The following PRORP variants were observed in gnomAD, a reference collection of about 807,000 sequenced individuals.
PRORP encodes the protein protein only RNase P catalytic subunit.
A neutral mutation model predicts 59.4 loss-of-function variants in PRORP; 51 were observed. That is an observed-to-expected ratio of 0.86 (90% CI 0.69 to 1.08). The LOEUF (loss-of-function observed/expected upper bound fraction) is 1.08, where lower values mean the gene tolerates loss of function less well. Ranked by LOEUF, PRORP falls within the 50% of genes least tolerant of loss-of-function variation. The probability of loss-of-function intolerance (pLI) is 0.00; values close to 1 mark genes in which losing one functional copy is unlikely to be tolerated. For synonymous variants in PRORP, 231 were observed against 245.6 expected (o/e 0.94, Z 0.55); for missense variants, 646 against 690.3 (o/e 0.94, Z 0.72).
chr14:35,265,305 T>A (rs950738008), intron 5 of PRORP, among the ~76,000 whole-genome samples: 2 of 152,242 alleles, frequency 1.3e-5, no homozygotes, highest in Admixed American at 1.3e-4. Context: ...CTCATAAAGA[T>A]CTTTTATATT....
intron 4 of PRORP, among the ~76,000 whole-genome samples, chr14:35,135,943 G>A (rs2047361120): frequency 6.8e-6 from 1 of 146,104 alleles, no homozygotes; most frequent in East Asian, 2.0e-4. Flanking sequence ...GGGCGTCAGA[G>A]CAAGACTCTG....
chr14:35,243,616 T>A (rs1448778133), intron 5 of PRORP, among the ~76,000 whole-genome samples: 1 of 152,086 alleles, frequency 6.6e-6, no homozygotes, highest in African/African-American at 2.4e-5. Flanking sequence ...AGTTATATGC[T>A]ACAAGAAGAG....
upstream of PRORP, chr14:35,122,115 A>T (rs2046926287): frequency 3.0e-6 from 2 of 667,232 alleles, no homozygotes; most frequent in Admixed American, 5.4e-5. Flanking sequence ...AAGAGGCAAA[A>T]ACAATTACTG....
chr14:35,147,659 C>T (rs2138873641), intron 4 of PRORP, among the ~76,000 whole-genome samples: 1 of 152,312 alleles, frequency 6.6e-6, no homozygotes, highest in East Asian at 1.9e-4. Context: ...TAAAATAAGA[C>T]AATAATGAAG....
chr14:35,162,417 G>T (rs2048082609), intron 4 of PRORP, among the ~76,000 whole-genome samples: 1 of 152,044 alleles, frequency 6.6e-6, no homozygotes, highest in Non-Finnish European at 1.5e-5. Context: ...AAATAAAATT[G>T]CAGTATAGGA....
intron 5 of PRORP, among the ~76,000 whole-genome samples, chr14:35,266,435 T>C (rs572542766): frequency 6.6e-6 from 1 of 152,180 alleles, no homozygotes; most frequent in South Asian, 2.1e-4. Flanking sequence ...TGAGCTATGA[T>C]TGCACCTGTG....
chr14:35,122,075 C>A, upstream of PRORP: 2 of 1,088,610 alleles, frequency 1.8e-6, no homozygotes, highest in South Asian at 1.3e-5. Flanking sequence ...GTCCAACCAC[C>A]ATCTTGATCG....
At chr14:35,154,463 C>T (rs775855856) in intron 4 of PRORP, among the ~76,000 whole-genome samples, 12 of 152,018 alleles carry the variant, frequency 7.9e-5, no homozygotes, top group Non-Finnish European at 1.8e-4. Context: ...AAATTTGGCT[C>T]GTGGTTCTTC....
intron 6 of PRORP, 32 bp from the exon 7 acceptor site, chr14:35,270,369 C>T: frequency 6.2e-7 from 1 of 1,600,212 alleles, no homozygotes; most frequent in Non-Finnish European, 8.6e-7. Context: ...TTCAGCTGTG[C>T]TTGATTGTGT....
chr14:35,165,768 C>T (rs1340400853), intron 4 of PRORP, among the ~76,000 whole-genome samples: 1 of 152,090 alleles, frequency 6.6e-6, no homozygotes, highest in East Asian at 1.9e-4. Context: ...CAACCTTCGC[C>T]TCCTGGGTTT....
In PRORP at chr14:35,144,918, A is replaced by C. The variant is rs145736609; in HGVS notation, c.1167+17307A>C. 2.7e-3 allele frequency among the ~76,000 whole-genome samples: 392 copies of C among 145,784 alleles called. 12 individuals carry two copies. Among genetic ancestry groups the C allele is most frequent in the African/African-American group, 8.5e-3 (348 of 41,128 alleles). On this transcript the variant is annotated intron_variant, in intron 4 of 7. Transcript: ENST00000534898. ...CAAGCATATTAACAAAGGAAGCTAAAACAAAGACAGCAGTCTCAGTACTCA... is the reference window on the plus strand; with the variant it reads ...CAAGCATATTAACAAAGGAAGCTAACACAAAGACAGCAGTCTCAGTACTCA...
chr14:35,156,174 G>C (rs1326843169), intron 4 of PRORP, among the ~76,000 whole-genome samples: 1 of 152,184 alleles, frequency 6.6e-6, no homozygotes, highest in Admixed American at 6.5e-5. Flanking sequence ...TTTCACAAAG[G>C]GAAATATGAA....
intron 5 of PRORP, among the ~76,000 whole-genome samples, chr14:35,248,610 TGGAGCA>T (rs2050540947): frequency 6.6e-6 from 1 of 152,214 alleles, no homozygotes; most frequent in Admixed American, 6.5e-5. Flanking sequence ...GCAGCACCAA[TGGAGCA>T]GGCTGCTAAT....
intron 5 of PRORP, among the ~76,000 whole-genome samples, chr14:35,202,931 GC>G (rs1253339640): frequency 6.6e-6 from 1 of 152,172 alleles, no homozygotes; most frequent in Non-Finnish European, 1.5e-5. Flanking sequence ...AGGGCACTTG[GC>G]CTGAAAAGTG....
At chr14:35,260,297 GAAAT>G (rs578123325) in intron 5 of PRORP, among the ~76,000 whole-genome samples, 5 of 152,132 alleles carry the variant, frequency 3.3e-5, no homozygotes, top group Non-Finnish European at 5.9e-5. Context: ...TTAAAAAAGA[GAAAT>G]AAACTTTCCT....
At chr14:35,248,122 C>T (rs2050528149) in intron 5 of PRORP, among the ~76,000 whole-genome samples, 1 of 152,146 alleles carries the variant, frequency 6.6e-6, no homozygotes. Flanking sequence ...TAATTGAAAT[C>T]TCCCTAAAAT....
At chr14:35,266,896 G>A (rs1456250095) in intron 6 of PRORP, 21 bp downstream of exon 6, 3 of 1,613,574 alleles carry the variant, frequency 1.9e-6, no homozygotes, top group Non-Finnish European at 2.5e-6. Flanking sequence ...GAGGTAATAG[G>A]TGAATTATAC....
At chr14:35,251,394 A>AGG (rs2050609379) in intron 5 of PRORP, among the ~76,000 whole-genome samples, 1 of 152,210 alleles carries the variant, frequency 6.6e-6, no homozygotes, top group Admixed American at 6.5e-5. Flanking sequence ...ACCTTGACTA[A>AGG]GTCCCTAATT....
At chr14:35,137,558 G>A (rs971972552) in intron 4 of PRORP, among the ~76,000 whole-genome samples, 3 of 145,056 alleles carry the variant, frequency 2.1e-5, no homozygotes, top group African/African-American at 7.3e-5. Flanking sequence ...TGGTTCTTGA[G>A]GGGATGTCAA....
Sources: allele counts gnomAD v4.1 joint callset (sites outside exome capture counted in the v4.1 genomes callset), GRCh38; gene constraint gnomAD v4.1.1; transcripts MANE v1.5; gene names NCBI Gene and HGNC (gene_info 2026-07-23, HGNC 2026-07-21).